MCTP1: variants seen among roughly 807,000 people sequenced by gnomAD.
MCTP1 encodes multiple C2 and transmembrane domain containing 1, also known as multiple C2 and transmembrane domain-containing protein 1.
Under a neutral mutation model 120.6 loss-of-function variants are expected in MCTP1, and 69 were observed. The ratio of observed to expected loss-of-function variants is 0.57; its 90% confidence interval spans 0.47 to 0.70. The LOEUF (loss-of-function observed/expected upper bound fraction) is 0.70. Among genes scored for constraint, MCTP1 ranks in the 30% least tolerant of loss-of-function variants. The pLI is 0.00. For missense variants in MCTP1, 1,203 were observed against 1,248.8 expected, an observed-to-expected ratio of 0.96 and a Z score of 0.55; for synonymous variants, 529 against 493.1, an observed-to-expected ratio of 1.07 and a Z score of -0.96.
At position 95,177,116 on chromosome 5, in the gene MCTP1, A is replaced by G. The variant is rs570785172; in HGVS notation, c.720+106740T>C. The stretch of plus-strand genomic sequence containing the variant: ...TAGGGTTATCCGGAGAAACAGAATT[A>G]GGGTGTGTATACATAGAAATATATA... On this transcript the variant is annotated intron_variant, in intron 1 of 22. Transcript: ENST00000515393. Among the ~76,000 whole-genome samples the G allele has an allele frequency of 3.3e-3, 495 of 151,446 alleles. 4 individuals are homozygous for G. The highest frequency in any genetic ancestry group is 0.011 in the African/African-American group (453 of 41,454).
intron 1 of MCTP1, among the ~76,000 whole-genome samples, chr5:95,251,390 G>A (rs1043878628): frequency 3.3e-5 from 5 of 152,112 alleles, no homozygotes; most frequent in African/African-American, 1.2e-4. Flanking sequence ...TGAAGAAGGA[G>A]GCAGAGGCCA....
rs541030575 is a variant in MCTP1 at position 94,743,833 on chromosome 5, G to T, written c.2611-28947C>A. The stretch of plus-strand genomic sequence containing the variant: ...TTTGTATATTTTTAGTAGAGACGGG[G>T]TTTCACCATGTTAGCCAGGATGGTC... On this transcript the variant is annotated intron_variant, in intron 19 of 22. Transcript: ENST00000515393. 4.5e-4 allele frequency among the ~76,000 whole-genome samples: 68 copies of T among 151,788 alleles called. No individual in the cohort carries two copies. The Middle Eastern group carries it at 0.021, about 46-fold the overall frequency.
chr5:94,707,452 T>C lies in MCTP1; in HGVS notation c.*44A>G. The C allele has an allele frequency of 4.7e-6, 7 of 1,484,046 alleles. No individual in the cohort carries two copies. Among genetic ancestry groups the C allele is most frequent in the Non-Finnish European group, 3.7e-6 (4 of 1,077,822 alleles). The allele number at this position is 1,484,046 out of a possible 1,614,324, so 91.9% of individuals were successfully genotyped here. A position where few individuals can be genotyped will look rare whatever the true frequency, so the allele number is the denominator to read the frequency against. The stretch of plus-strand genomic sequence containing the variant: ...TGCTGAGGCTGAGGGCTTTTTCTTT[T>C]ATCTTCCCAAACAGATGCTGGTCTC... On this transcript the variant is annotated 3_prime_UTR_variant, in exon 23 of 23. Transcript: ENST00000515393.
chr5:95,184,576 T>A (rs1232329241), intron 1 of MCTP1, among the ~76,000 whole-genome samples: 1 of 152,146 alleles, frequency 6.6e-6, no homozygotes, highest in African/African-American at 2.4e-5. Flanking sequence ...CAAACAAAAC[T>A]GATAACAGCC....
chr5:94,852,649 C>T (rs1793975667), intron 17 of MCTP1, among the ~76,000 whole-genome samples: 1 of 151,704 alleles, frequency 6.6e-6, no homozygotes, highest in African/African-American at 2.4e-5. Flanking sequence ...GGAAAATTGC[C>T]CATATATGTA....
At chr5:94,766,662 A>C (rs948562435) in intron 19 of MCTP1, among the ~76,000 whole-genome samples, 1 of 147,022 alleles carries the variant, frequency 6.8e-6, no homozygotes, top group Non-Finnish European at 1.5e-5. Flanking sequence ...CCTAGAACTT[A>C]AAGTATAGTT....
At chr5:95,180,914 T>G (rs1748527955) in intron 1 of MCTP1, among the ~76,000 whole-genome samples, 1 of 152,022 alleles carries the variant, frequency 6.6e-6, no homozygotes, top group African/African-American at 2.4e-5. Context: ...TTTCTTTCCC[T>G]CACAGCCCAT....
At chr5:94,996,264 T>C (rs2153627489) in intron 2 of MCTP1, among the ~76,000 whole-genome samples, 2 of 152,340 alleles carry the variant, frequency 1.3e-5, no homozygotes, top group East Asian at 3.9e-4. Flanking sequence ...TTATCCTCAT[T>C]ACACTAAAAA....
At chr5:95,033,237 C>T (rs1840618306) in intron 1 of MCTP1, among the ~76,000 whole-genome samples, 1 of 152,048 alleles carries the variant, frequency 6.6e-6, no homozygotes, top group Non-Finnish European at 1.5e-5. Context: ...AAACCAGTGT[C>T]ATCCTGATAC....
chr5:94,754,835 G>A (rs775014458), intron 19 of MCTP1, among the ~76,000 whole-genome samples: 7 of 152,006 alleles, frequency 4.6e-5, no homozygotes, highest in South Asian at 2.1e-4. Context: ...CCACCTCACC[G>A]TTCTCCCAGC....
chr5:95,136,656 T>C (rs1463331404), intron 1 of MCTP1, among the ~76,000 whole-genome samples: 3 of 152,210 alleles, frequency 2.0e-5, no homozygotes, highest in Non-Finnish European at 4.4e-5. Context: ...TCCGACTCTA[T>C]GTTTTTAATC....
chr5:95,162,670 T>C (rs772383976), intron 1 of MCTP1, among the ~76,000 whole-genome samples: 2 of 152,178 alleles, frequency 1.3e-5, no homozygotes, highest in Non-Finnish European at 1.5e-5. Flanking sequence ...TACACACATA[T>C]CATTTTGGTA....
chr5:94,818,876 C>G (rs545728745), intron 17 of MCTP1, among the ~76,000 whole-genome samples: 131 of 152,234 alleles, frequency 8.6e-4, no homozygotes, highest in Admixed American at 2.9e-3. Context: ...TTCAATTTTT[C>G]TCATCATCTT....
In MCTP1 at chr5:95,022,387, C is replaced by T. The variant is rs188399320; in HGVS notation, c.721-4903G>A. On this transcript the variant is annotated intron_variant, in intron 1 of 22. Coordinates refer to ENST00000515393, the MANE Select transcript of MCTP1 (RefSeq NM_024717.7). ...TTCACTCTTGACCAGGGCTGCCTTC[C>T]CTTCTTGTTTCCCGTGTCTTTCTAC... Among the ~76,000 whole-genome samples, 88 of 152,284 alleles carry T rather than the reference C, an allele frequency of 5.8e-4. 1 individual carries two copies. The highest frequency in any genetic ancestry group is 3.4e-3 in the Middle Eastern group (1 of 294).
chr5:95,170,505 T>C (rs945219092), intron 1 of MCTP1, among the ~76,000 whole-genome samples: 47 of 152,174 alleles, frequency 3.1e-4, no homozygotes, highest in Admixed American at 2.1e-3. Flanking sequence ...ATGTTGACAG[T>C]GGGGTGTTAA....
intron 2 of MCTP1, among the ~76,000 whole-genome samples, chr5:94,953,595 C>A (rs1403649604): frequency 6.6e-6 from 1 of 150,934 alleles, no homozygotes. Context: ...CTTGTCCTGG[C>A]AGTTAAAAAC....
At chr5:95,005,327 T>A (rs309806) in intron 2 of MCTP1, among the ~76,000 whole-genome samples, 109,930 of 151,956 alleles carry the variant, frequency 0.72, 40,266 homozygotes, top group Middle Eastern at 0.83. Flanking sequence ...GACTTTGGAC[T>A]TGGACTTTTG....
chr5:94,811,330 A>G (rs1783366034), intron 17 of MCTP1, among the ~76,000 whole-genome samples: 1 of 152,210 alleles, frequency 6.6e-6, no homozygotes, highest in East Asian at 1.9e-4. Context: ...GCTATTTTCC[A>G]CACCTCTAAA....
In MCTP1 at chr5:95,128,440, A is replaced by G. The variant is rs1036101768; in HGVS notation, c.721-110956T>C. On this transcript the variant is annotated intron_variant, in intron 1 of 22. Transcript: ENST00000515393. Reference sequence around the variant, plus strand: ...AACTTAAATGCCCATCAACTGATGAATGGGTAAGTAGAATGTGGTATACAT... The same window carrying G: ...AACTTAAATGCCCATCAACTGATGAGTGGGTAAGTAGAATGTGGTATACAT... Among the ~76,000 whole-genome samples, 3 of 152,256 alleles carry G rather than the reference A, an allele frequency of 2.0e-5. No individual in the cohort carries two copies. In the South Asian group the frequency reaches 6.2e-4, roughly 31 times the overall value.
Sources: allele counts gnomAD v4.1 joint callset (sites outside exome capture counted in the v4.1 genomes callset), GRCh38; gene constraint gnomAD v4.1.1; transcripts MANE v1.5; gene names NCBI Gene and HGNC (gene_info 2026-07-23, HGNC 2026-07-21).